The following RBFOX1 variants were observed in gnomAD, a reference collection of about 807,000 sequenced individuals.
The protein encoded by RBFOX1 is RNA binding fox-1 homolog 1.
A neutral mutation model predicts 57.7 loss-of-function variants in RBFOX1; 8 were observed. The observed-to-expected ratio is 0.14, with a 90% CI of 0.08 to 0.25. The LOEUF is 0.25. RBFOX1 is among the 10% of genes least tolerant of loss of function. The pLI is 1.00. For synonymous variants in RBFOX1, 326 were observed against 222.4 expected (o/e 1.47, Z -4.15); for missense variants, 611 against 548.5 (o/e 1.11, Z -1.14).
intron 3 of RBFOX1, among the ~76,000 whole-genome samples, chr16:6,941,123 C>T (rs771377352): frequency 6.6e-6 from 1 of 152,070 alleles, no homozygotes; most frequent in Non-Finnish European, 1.5e-5. Flanking sequence ...AATTTCATTT[C>T]AAGTCTACTG....
intron 3 of RBFOX1, among the ~76,000 whole-genome samples, chr16:6,701,135 ATGTGTG>A (rs111800744): frequency 6.7e-6 from 1 of 149,216 alleles, no homozygotes; most frequent in African/African-American, 2.5e-5. Flanking sequence ...CTGTGTGTGT[ATGTGTG>A]TGTGTGTGTG....
intron 4 of RBFOX1, among the ~76,000 whole-genome samples, chr16:7,143,622 C>T (rs1449097492): frequency 6.6e-6 from 1 of 152,108 alleles, no homozygotes; most frequent in East Asian, 1.9e-4. Context: ...TTTTCTGTGT[C>T]CTTGAAGGGG....
In RBFOX1 at chr16:6,813,594, C is replaced by G. The variant is rs374041313; in HGVS notation, c.-16+158944C>G. Among the ~76,000 whole-genome samples, 15 of 152,312 alleles carry G rather than the reference C, an allele frequency of 9.8e-5. No individual in the cohort carries two copies. In the East Asian group the frequency reaches 2.1e-3, roughly 22 times the overall value. On this transcript the variant is annotated intron_variant, in intron 3 of 15. Transcript: ENST00000550418. ...TCTTTCATCTTCTGCATCCAAACCT[C>G]TCTCTCCACAGGTGGCTCAAAATCA...
intron 4 of RBFOX1, among the ~76,000 whole-genome samples, chr16:7,435,458 T>C (rs1327285548): frequency 6.6e-6 from 1 of 152,220 alleles, no homozygotes; most frequent in Non-Finnish European, 1.5e-5. Flanking sequence ...GTCTCATTTT[T>C]CCTCTCTTTG....
At chr16:5,331,024 A>G (rs2064739767) in intron 1 of RBFOX1, among the ~76,000 whole-genome samples, 1 of 152,120 alleles carries the variant, frequency 6.6e-6, no homozygotes, top group East Asian at 1.9e-4. Flanking sequence ...TCTATATGAA[A>G]GGCCTACTTG....
At chr16:5,830,569 TTGG>T (rs1435874079) in intron 3 of RBFOX1, among the ~76,000 whole-genome samples, 4 of 152,040 alleles carry the variant, frequency 2.6e-5, no homozygotes, top group African/African-American at 4.8e-5. Context: ...CTAGCTCCAT[TTGG>T]GTGGGTGTCA....
In RBFOX1 at chr16:6,900,118, T is replaced by C. The variant is rs1230899152; in HGVS notation, c.-15-151939T>C. ...CTGGCACATGAAACAAAGGTTTATT[T>C]GAGTTTTTCTTTAGTTATTGCTGGT... On this transcript the variant is annotated intron_variant, in intron 3 of 15. Coordinates refer to ENST00000550418, the MANE Select transcript of RBFOX1 (RefSeq NM_018723.4). 2.0e-5 allele frequency among the ~76,000 whole-genome samples: 3 copies of C among 151,944 alleles called. No individual in the cohort carries two copies. The East Asian group carries it at 5.8e-4, about 29-fold the overall frequency.
chr16:6,523,560 T>C (rs115900131), intron 2 of RBFOX1, among the ~76,000 whole-genome samples: 2,014 of 152,334 alleles, frequency 0.013, 35 homozygotes, highest in African/African-American at 0.046. Flanking sequence ...CTTACCCTTT[T>C]TTGACCTTGC....
chr16:5,826,831 TGGTA>T (rs2056073032), intron 3 of RBFOX1, among the ~76,000 whole-genome samples: 1 of 152,206 alleles, frequency 6.6e-6, no homozygotes, highest in Admixed American at 6.5e-5. Flanking sequence ...TTGTGAGAAG[TGGTA>T]GATAGAGTTC....
intron 1 of RBFOX1, among the ~76,000 whole-genome samples, chr16:6,219,078 G>A (rs1354927644): frequency 1.3e-5 from 2 of 152,130 alleles, no homozygotes; most frequent in African/African-American, 4.8e-5. Context: ...GTCATTAAGA[G>A]GGGCAATAAA....
chr16:6,285,186 G>T (rs1198482203), intron 1 of RBFOX1, among the ~76,000 whole-genome samples: 1 of 152,118 alleles, frequency 6.6e-6, no homozygotes, highest in Non-Finnish European at 1.5e-5. Context: ...GGGAGAAAAG[G>T]GGGTCCCGTT....
intron 2 of RBFOX1, among the ~76,000 whole-genome samples, chr16:6,541,196 C>A (rs75174314): frequency 6.6e-6 from 1 of 152,140 alleles, no homozygotes; most frequent in Non-Finnish European, 1.5e-5. Flanking sequence ...GGTAATGGCT[C>A]TAGGTCCTCC....
chr16:6,592,641 A>T (rs971828705), intron 2 of RBFOX1, among the ~76,000 whole-genome samples: 1 of 152,202 alleles, frequency 6.6e-6, no homozygotes, highest in Non-Finnish European at 1.5e-5. Flanking sequence ...AAGTTCTGCT[A>T]CTAAGTAATG....
At chr16:5,241,165 T>G (rs1027303024) in intron 1 of RBFOX1, among the ~76,000 whole-genome samples, 1 of 152,190 alleles carries the variant, frequency 6.6e-6, no homozygotes, top group Admixed American at 6.5e-5. Flanking sequence ...GAGCCCCCCC[T>G]GCCCAGTCTT....
chr16:6,780,578 A>G lies in RBFOX1; in HGVS notation c.-16+125928A>G, dbSNP rs891768099. 4.6e-4 allele frequency among the ~76,000 whole-genome samples: 64 copies of G among 138,482 alleles called. 1 individual carries two copies. The highest frequency in any genetic ancestry group is 2.2e-4 in the South Asian group (1 of 4,634). The allele number at this position is 138,482 out of a possible 152,430, so 90.8% of individuals were successfully genotyped here. Reference sequence around the variant, plus strand: ...TTTACATATTTATATATATTTATATATATATTTATATATATATTTCTTTTT... The same window carrying G: ...TTTACATATTTATATATATTTATATGTATATTTATATATATATTTCTTTTT... On this transcript the variant is annotated intron_variant, in intron 3 of 15. Transcript: ENST00000550418.
At chr16:6,612,703 T>C (rs558661973) in intron 2 of RBFOX1, among the ~76,000 whole-genome samples, 1 of 151,770 alleles carries the variant, frequency 6.6e-6, no homozygotes, top group Non-Finnish European at 1.5e-5. Flanking sequence ...AATACAAAAA[T>C]TAGCCGGGTG....
At chr16:6,352,909 G>A (rs1196276970) in intron 2 of RBFOX1, among the ~76,000 whole-genome samples, 1 of 152,136 alleles carries the variant, frequency 6.6e-6, no homozygotes, top group Non-Finnish European at 1.5e-5. Flanking sequence ...ATGAACTAAA[G>A]AGAAAAAGGG....
chr16:7,334,616 A>G (rs901952638), intron 4 of RBFOX1, among the ~76,000 whole-genome samples: 1 of 152,206 alleles, frequency 6.6e-6, no homozygotes, highest in African/African-American at 2.4e-5. Flanking sequence ...GCACCCACTG[A>G]AATGGGTGAA....
At chr16:6,501,409 C>G (rs1014863852) in intron 2 of RBFOX1, among the ~76,000 whole-genome samples, 6 of 149,648 alleles carry the variant, frequency 4.0e-5, no homozygotes, top group East Asian at 2.0e-4. Context: ...TTTGTCCTTG[C>G]GATAGTTTGC....
Sources: allele counts gnomAD v4.1 joint callset (sites outside exome capture counted in the v4.1 genomes callset), GRCh38; gene constraint gnomAD v4.1.1; transcripts MANE v1.5; gene names NCBI Gene and HGNC (gene_info 2026-07-23, HGNC 2026-07-21).